TMOD3: variants seen among roughly 807,000 people sequenced by gnomAD.
TMOD3 encodes the protein tropomodulin-3.
A neutral mutation model predicts 39.2 loss-of-function variants in TMOD3; 20 were observed. The observed-to-expected ratio is 0.51, with a 90% CI of 0.36 to 0.74. The LOEUF (loss-of-function observed/expected upper bound fraction) is 0.74. Ranked by LOEUF, TMOD3 falls within the 30% of genes least tolerant of loss-of-function variation. The probability of loss-of-function intolerance (pLI) is 0.00; values close to 1 mark genes in which losing one functional copy is unlikely to be tolerated. For missense variants in TMOD3, 381 were observed against 412.8 expected (o/e 0.92, Z 0.67); for synonymous variants, 143 against 145.8 (o/e 0.98, Z 0.14).
intron 3 of TMOD3, among the ~76,000 whole-genome samples, chr15:51,883,005 A>T (rs978383777): frequency 2.6e-5 from 4 of 152,226 alleles, no homozygotes; most frequent in Non-Finnish European, 5.9e-5. Flanking sequence ...TTAAAAGATA[A>T]CTTATTACAG....
chr15:51,886,125 C>CTTTGGGAGGCCAAGGCAGGCG (rs2056561346), intron 3 of TMOD3, among the ~76,000 whole-genome samples: 2 of 151,632 alleles, frequency 1.3e-5, no homozygotes, highest in South Asian at 4.2e-4. Context: ...CGGGCAGAGA[C>CTTTGGGAGGCCAAGGCAGGCG]GCTCCTCAGT....
chr15:51,865,618 A>T (rs1039260042), intron 2 of TMOD3, among the ~76,000 whole-genome samples: 1 of 152,142 alleles, frequency 6.6e-6, no homozygotes, highest in South Asian at 2.1e-4. Flanking sequence ...TCTAACCTCA[A>T]TACTGTTAGT....
chr15:51,900,361 C>T (rs2056643940), intron 8 of TMOD3, 63 bp downstream of exon 8: 15 of 1,576,796 alleles, frequency 9.5e-6, no homozygotes, highest in South Asian at 5.8e-5. Flanking sequence ...TAGGGCTTGG[C>T]GACTCAGGAT....
chr15:51,851,670 G>A (rs182858770), intron 1 of TMOD3, among the ~76,000 whole-genome samples: 370 of 152,244 alleles, frequency 2.4e-3, no homozygotes, highest in African/African-American at 8.5e-3. Flanking sequence ...GCAATGTTCA[G>A]CTCCTCAGGA....
At chr15:51,869,482 A>C (rs1469185840) in intron 3 of TMOD3, 109 bp downstream of exon 3, 2 of 1,030,090 alleles carry the variant, frequency 1.9e-6, no homozygotes, top group Non-Finnish European at 2.9e-6. Context: ...GTAGCCTTAA[A>C]TATATGATAC....
intron 1 of TMOD3, among the ~76,000 whole-genome samples, chr15:51,834,016 T>C (rs1011497724): frequency 6.6e-6 from 1 of 152,252 alleles, no homozygotes; most frequent in East Asian, 1.9e-4. Flanking sequence ...GGTTTTAATT[T>C]ACATTTTTCT....
chr15:51,879,521 T>C (rs2593191), intron 3 of TMOD3, among the ~76,000 whole-genome samples: 72,011 of 151,596 alleles, frequency 0.48, 17,318 homozygotes, highest in Admixed American at 0.54. Flanking sequence ...AATGTTTTCT[T>C]AGACATTATG....
In TMOD3 at chr15:51,869,258, A is replaced by G. The variant is rs1185937618; in HGVS notation, c.168A>G (p.Thr56=). Residue 56 remains threonine (T), a synonymous_variant, in exon 3 of 10, where the codon ACA becomes ACG. Coordinates refer to ENST00000308580, the MANE Select transcript of TMOD3 (RefSeq NM_014547.5). ...CAGGGTTCCGGCAGAAGAACCAGAC[A>G]TCAAAGTCCACCACAGGGCCATTTG... ...LPAGFRQKNQ[T]SKSTTGPFDR... The G allele has an allele frequency of 6.2e-7, 1 of 1,614,062 alleles. No individual in the cohort carries two copies. The highest frequency in any genetic ancestry group is 1.3e-5 in the African/African-American group (1 of 74,944).
intron 1 of TMOD3, among the ~76,000 whole-genome samples, chr15:51,844,696 A>AATC (rs1423887006): frequency 2.0e-5 from 3 of 152,302 alleles, no homozygotes; most frequent in African/African-American, 7.2e-5. Context: ...TTTGTGATTG[A>AATC]ATCTTTTTTG....
At chr15:51,876,894 C>T (rs1271603232) in intron 3 of TMOD3, among the ~76,000 whole-genome samples, 2 of 152,058 alleles carry the variant, frequency 1.3e-5, no homozygotes, top group African/African-American at 4.8e-5. Flanking sequence ...GACCGTGCCT[C>T]TACTAAAAAT....
At chr15:51,854,499 A>C (rs1433099202) in intron 1 of TMOD3, among the ~76,000 whole-genome samples, 1 of 152,248 alleles carries the variant, frequency 6.6e-6, no homozygotes, top group Non-Finnish European at 1.5e-5. Flanking sequence ...AATGGAGGTT[A>C]ACAACTCATA....
chr15:51,902,069 C>A, intron 9 of TMOD3, 33 bp downstream of exon 9: 1 of 1,607,692 alleles, frequency 6.2e-7, no homozygotes, highest in Non-Finnish European at 8.5e-7. Context: ...TTTCTGAGTT[C>A]TATCACAAGC....
In TMOD3 at chr15:51,839,163, C is replaced by CTTTTTTTTTT. The variant is rs111813783; in HGVS notation, c.-75+9328_-75+9329insTTTTTTTTTT. Among the ~76,000 whole-genome samples the CTTTTTTTTTT allele has an allele frequency of 1.6e-3, 175 of 109,784 alleles. 24 individuals carry two copies. The highest frequency in any genetic ancestry group is 2.0e-3 in the Non-Finnish European group (101 of 49,748). 72.0% of individuals were successfully genotyped at this position (109,784 alleles called of 152,430 possible). A position where few individuals can be genotyped will look rare whatever the true frequency, so the allele number is the denominator to read the frequency against. ...TGACAGCTAAGAAATAGGTGTATCT[C>CTTTTTTTTTT]TCTTTTTTTTTTTTTCCATTTTGTT... On this transcript the variant is annotated intron_variant, in intron 1 of 9. Transcript: ENST00000308580.
At chr15:51,837,469 C>G (rs553539517) in intron 1 of TMOD3, among the ~76,000 whole-genome samples, 1 of 151,196 alleles carries the variant, frequency 6.6e-6, no homozygotes, top group African/African-American at 2.4e-5. Context: ...GAGTGCTAGA[C>G]CAGCTGAGGA....
intron 1 of TMOD3, chr15:51,859,133 G>C (rs1330066039): frequency 1.6e-6 from 1 of 641,756 alleles, no homozygotes; most frequent in Non-Finnish European, 2.9e-6. Context: ...ATACATATTT[G>C]CCCACAGGGC....
At position 51,887,653 on chromosome 15, in the gene TMOD3, T is replaced by C. The variant is rs2056571786; in HGVS notation, c.348T>C (p.Asp116=). The change falls in exon 4 of 10, where the codon GAT becomes GAC. Residue 116 remains aspartate (D), a synonymous_variant. Transcript: ENST00000308580. ...TTACAGAAGAAAAAGTGTCTCTTGA[T>C]CCAGAATTAGAAGAAGCTTTGACAA... ...QTFTEEKVSL[D]PELEEALTSA... 6.2e-7 allele frequency: 1 copy of C among 1,613,906 alleles called. No homozygotes were observed. Among genetic ancestry groups the C allele is most frequent in the African/African-American group, 1.3e-5 (1 of 74,906 alleles).
intron 2 of TMOD3, among the ~76,000 whole-genome samples, chr15:51,868,105 C>T (rs1464571575): frequency 1.3e-5 from 2 of 152,068 alleles, no homozygotes; most frequent in African/African-American, 4.8e-5. Flanking sequence ...GAACATCTCA[C>T]GTTGTGTTTA....
At position 51,909,962 on chromosome 15, in the gene TMOD3, C is replaced by T. The variant is rs1330122850; in HGVS notation, c.*1152C>T. 2 of 152,192 alleles carry T rather than the reference C, an allele frequency of 1.3e-5. No individual in the cohort carries two copies. The highest frequency in any genetic ancestry group is 2.9e-5 in the Non-Finnish European group (2 of 68,038). 9.4% of individuals were successfully genotyped at this position (152,192 alleles called of 1,614,324 possible). ...TTATCAATATTTATAAAAGTCATTTCTATAATAAAAGCAGTCTTTCTTGCT... is the reference window on the plus strand; with the variant it reads ...TTATCAATATTTATAAAAGTCATTTTTATAATAAAAGCAGTCTTTCTTGCT... On this transcript the variant is annotated 3_prime_UTR_variant, in exon 10 of 10. Transcript: ENST00000308580.
intron 4 of TMOD3, 106 bp downstream of exon 4, chr15:51,887,817 C>G: frequency 1.4e-6 from 2 of 1,384,716 alleles, no homozygotes; most frequent in Non-Finnish European, 2.0e-6. Context: ...CTAGCAAGTA[C>G]TGTTAAATCA....
Sources: gnomAD v4.1 joint callset for allele counts (sites outside exome capture counted in the v4.1 genomes callset) on GRCh38, gnomAD v4.1.1 for gene constraint, MANE v1.5 for transcripts, NCBI Gene and HGNC (gene_info 2026-07-23, HGNC 2026-07-21) for gene names.